Variants in AHRR observed in about 807,000 individuals in gnomAD.
The protein encoded by AHRR is aryl hydrocarbon receptor repressor, also known as ahR repressor.
In AHRR, 28 loss-of-function variants were observed where a neutral mutation model predicts 44.0. The observed-to-expected ratio is 0.64, with a 90% CI of 0.47 to 0.87. The LOEUF is 0.87. AHRR is among the 40% of genes least tolerant of loss of function. AHRR has a pLI of 0.00. For synonymous variants in AHRR, 434 were observed against 407.0 expected (o/e 1.07, Z -0.80); for missense variants, 990 against 953.9 (o/e 1.04, Z -0.50).
At chr5:366,987 A>T (rs1743381412) in intron 3 of AHRR, among the ~76,000 whole-genome samples, 1 of 152,236 alleles carries the variant, frequency 6.6e-6, no homozygotes, top group Non-Finnish European at 1.5e-5. Context: ...CTTGGCTGAA[A>T]GGATGTTATT....
chr5:345,461 GGAT>G (rs1742625366), intron 2 of AHRR, among the ~76,000 whole-genome samples: 1 of 115,356 alleles, frequency 8.7e-6, no homozygotes. Flanking sequence ...TGTGTGTGTC[GGAT>G]GATGTCCCTG....
intron 2 of AHRR, among the ~76,000 whole-genome samples, chr5:352,719 T>C (rs1240564264): frequency 1.1e-4 from 15 of 136,364 alleles, no homozygotes; most frequent in East Asian, 9.1e-4. Flanking sequence ...ATGGGTCAGC[T>C]GTAGGGGATG....
intron 3 of AHRR, among the ~76,000 whole-genome samples, chr5:362,323 T>C (rs1743211648): frequency 1.3e-5 from 2 of 152,218 alleles, no homozygotes; most frequent in Non-Finnish European, 2.9e-5. Flanking sequence ...AACTTTCTGT[T>C]GTTTAAATCA....
At chr5:410,417 G>C (rs1178603609) in intron 4 of AHRR, among the ~76,000 whole-genome samples, 1 of 152,016 alleles carries the variant, frequency 6.6e-6, no homozygotes, top group Non-Finnish European at 1.5e-5. Flanking sequence ...TCACTATGCT[G>C]CCCAGGCTGG....
intron 4 of AHRR, among the ~76,000 whole-genome samples, chr5:390,014 CAGGAA>C (rs1218979235): frequency 2.0e-5 from 3 of 150,158 alleles, no homozygotes; most frequent in African/African-American, 7.4e-5. Context: ...CAGGACAGGA[CAGGAA>C]AGGAAAGGAA....
intron 8 of AHRR, 165 bp from the exon 9 acceptor site, chr5:432,298 C>T: frequency 1.6e-6 from 1 of 640,674 alleles, no homozygotes; most frequent in South Asian, 2.0e-5. Flanking sequence ...AATAACTTTC[C>T]ACACTATAAA....
rs1735250105 is a variant in AHRR at position 406,201 on chromosome 5, C to T, written c.352-7143C>T. On this transcript the variant is annotated intron_variant, in intron 4 of 10. Coordinates refer to ENST00000684583, the MANE Select transcript of AHRR (RefSeq NM_001377236.1). This position sits in a 1 kb window ranked among gnomAD's most constrained non-coding sequence, Gnocchi z 4.7. ...GGCTTGGGCGAGGGGCCCACGGTGT[C>T]GCTGGGGACTTCTGCTGCCCCCAGC... Among the ~76,000 whole-genome samples, 1 of 152,210 alleles carries T rather than the reference C, an allele frequency of 6.6e-6. No individual in the cohort carries two copies. The highest frequency in any genetic ancestry group is 2.1e-4 in the South Asian group (1 of 4,832).
intron 4 of AHRR, among the ~76,000 whole-genome samples, chr5:386,980 G>A (rs1456200078): frequency 1.3e-5 from 2 of 152,254 alleles, no homozygotes; most frequent in Non-Finnish European, 2.9e-5. Flanking sequence ...GTCACAGGCA[G>A]CCCAGTAGTG....
intron 5 of AHRR, among the ~76,000 whole-genome samples, chr5:414,453 A>AT (rs1292090477): frequency 6.6e-6 from 1 of 152,096 alleles, no homozygotes; most frequent in Non-Finnish European, 1.5e-5. Context: ...AGACTGATAG[A>AT]TTTCTGGAGA....
intron 7 of AHRR, chr5:427,597 T>C: frequency 6.2e-7 from 1 of 1,609,062 alleles, no homozygotes; most frequent in Non-Finnish European, 8.5e-7. Flanking sequence ...GAGTGGGGGA[T>C]GGTTTCAGGA....
rs116538208 is a variant in AHRR, at chr5:431,279, G to C, written c.909-1184G>C. Among the ~76,000 whole-genome samples the C allele has an allele frequency of 7.0e-3, 1,071 of 152,346 alleles. 8 individuals are homozygous for C. The highest frequency in any genetic ancestry group is 0.01 in the Non-Finnish European group (696 of 68,020). On this transcript the variant is annotated intron_variant, in intron 8 of 10. Transcript: ENST00000684583. ...TCCTGCGGCCTGGACGAGACCCCCT[G>C]TGGGGCTGTGAGGGTGGGGTGGAGC...
intron 4 of AHRR, chr5:403,678 T>C (rs1408911752): frequency 2.4e-5 from 16 of 669,938 alleles, no homozygotes; most frequent in South Asian, 1.2e-4. Context: ...ATAGTTAAAA[T>C]GGTATTTTTT....
intron 4 of AHRR, among the ~76,000 whole-genome samples, chr5:391,410 C>CGAGGCGGGCGCAGGGCGAGGCGGGCG (rs1734438736): frequency 8.4e-6 from 1 of 119,314 alleles, no homozygotes; most frequent in East Asian, 2.7e-4. Context: ...CGAGGCAGGG[C>CGAGGCGGGCGCAGGGCGAGGCGGGCG]CAGAGCGTGC....
chr5:381,981 T>C (rs1734005009), intron 4 of AHRR, among the ~76,000 whole-genome samples: 1 of 152,262 alleles, frequency 6.6e-6, no homozygotes, highest in Non-Finnish European at 1.5e-5. Context: ...CTGTCAATGT[T>C]GTACATTACA....
At chr5:430,614 C>G (rs1481684736) in intron 8 of AHRR, among the ~76,000 whole-genome samples, 3 of 152,270 alleles carry the variant, frequency 2.0e-5, no homozygotes, top group Admixed American at 6.5e-5. Context: ...CACCTTTGAC[C>G]TCTTTCAGAT....
In AHRR at chr5:437,124, G is replaced by C. The variant is rs1296238729; in HGVS notation, c.*2290G>C. ...AGCACTTTAGGAGGTCAAGGTAGGAGGATCGCTTAAGCCCAGGAGTTCAAG... is the reference window on the plus strand; with the variant it reads ...AGCACTTTAGGAGGTCAAGGTAGGACGATCGCTTAAGCCCAGGAGTTCAAG... On this transcript the variant is annotated 3_prime_UTR_variant, in exon 11 of 11. Coordinates refer to ENST00000684583, the MANE Select transcript of AHRR (RefSeq NM_001377236.1). 1.3e-5 allele frequency: 2 copies of C among 152,562 alleles called. No individual in the cohort carries two copies. Among genetic ancestry groups the C allele is most frequent in the Non-Finnish European group, 1.5e-5 (1 of 68,090 alleles). 9.5% of individuals were successfully genotyped at this position (152,562 alleles called of 1,614,324 possible). A position where few individuals can be genotyped will look rare whatever the true frequency, so the allele number is the denominator to read the frequency against.
chr5:411,712 G>C lies in AHRR; in HGVS notation c.352-1632G>C, dbSNP rs899941449. Among the ~76,000 whole-genome samples the C allele has an allele frequency of 6.6e-6, 1 of 152,110 alleles. No individual in the cohort carries two copies. Among genetic ancestry groups the C allele is most frequent in the Non-Finnish European group, 1.5e-5 (1 of 68,022 alleles). On this transcript the variant is annotated intron_variant, in intron 4 of 10. Transcript: ENST00000684583. This position sits in a 1 kb window ranked among gnomAD's most constrained non-coding sequence, Gnocchi z 4.2. The stretch of plus-strand genomic sequence containing the variant: ...AAAAAAAGAAAAAAGGAAAATAAAA[G>C]TACCCAGCATGGTCCAGATTTAAGG...
intron 4 of AHRR, among the ~76,000 whole-genome samples, chr5:398,655 G>A (rs978856404): frequency 2.0e-5 from 3 of 152,188 alleles, no homozygotes; most frequent in Admixed American, 1.3e-4. Flanking sequence ...GGTTTCAGGC[G>A]CCGTGCGTGC....
intron 3 of AHRR, among the ~76,000 whole-genome samples, chr5:376,005 C>G (rs964899241): frequency 9.0e-6 from 1 of 111,442 alleles, no homozygotes; most frequent in Non-Finnish European, 1.7e-5. Flanking sequence ...CCTGCCTTTT[C>G]CTGCCCTGCG....
Sources: gnomAD v4.1 joint callset for allele counts (sites outside exome capture counted in the v4.1 genomes callset) on GRCh38, gnomAD v4.1.1 for gene constraint, Gnocchi (gnomAD v3.1) non-coding constraint, MANE v1.5 for transcripts, NCBI Gene and HGNC (gene_info 2026-07-23, HGNC 2026-07-21) for gene names.